The following SLIT3 variants were observed in gnomAD, a reference collection of about 807,000 sequenced individuals.
SLIT3 encodes slit homolog 3 protein.
In SLIT3, 68 loss-of-function variants were observed where a neutral mutation model predicts 184.0. The ratio of observed to expected loss-of-function variants is 0.37; its 90% CI spans 0.30 to 0.45. SLIT3 has a LOEUF of 0.45. Ranked by LOEUF, SLIT3 falls within the 20% of genes least tolerant of loss-of-function variation. SLIT3 has a pLI of 1.00. For synonymous variants in SLIT3, 831 were observed against 828.6 expected, an observed-to-expected ratio of 1.00 and a Z score of -0.05; for missense variants, 1,707 against 2,026.0, an observed-to-expected ratio of 0.84 and a Z score of 3.02.
chr5:168,884,549 GATATATATAT>G lies in SLIT3; in HGVS notation c.414-1223_414-1214del, dbSNP rs58407375. Among the ~76,000 whole-genome samples the G allele has an allele frequency of 3.1e-3, 129 of 41,146 alleles. 10 individuals are homozygous for G. The East Asian group carries it at 0.054, about 17-fold the overall frequency. 27.0% of individuals were successfully genotyped at this position (41,146 alleles called of 152,430 possible). A position where few individuals can be genotyped will look rare whatever the true frequency, so the allele number is the denominator to read the frequency against. Reference sequence around the variant, plus strand: ...ATCTAACTACTGCTACCAATTACGAGATATATATATATATATATATATATATATATATGAA... The same window carrying G: ...ATCTAACTACTGCTACCAATTACGAGATATATATATATATATATATATGAA... On this transcript the variant is annotated intron_variant, in intron 4 of 35. Coordinates refer to ENST00000519560, the MANE Select transcript of SLIT3 (RefSeq NM_003062.4).
At chr5:168,667,522 A>G (rs1761094861) in intron 35 of SLIT3, 1 of 152,176 alleles carries the variant, frequency 6.6e-6, no homozygotes, top group Admixed American at 6.5e-5. Flanking sequence ...GGGAAAGGGC[A>G]CCCCTGTATC....
intron 9 of SLIT3, among the ~76,000 whole-genome samples, chr5:168,801,582 G>A (rs1329888995): frequency 6.6e-6 from 1 of 152,204 alleles, no homozygotes; most frequent in Non-Finnish European, 1.5e-5. Context: ...CAGAGCAAAA[G>A]TGGAAGAAGA....
intron 4 of SLIT3, among the ~76,000 whole-genome samples, chr5:168,889,050 T>C (rs1474489717): frequency 6.6e-6 from 1 of 152,158 alleles, no homozygotes; most frequent in Non-Finnish European, 1.5e-5. Context: ...CTTTCTAATA[T>C]ATAGTAACCC....
intron 3 of SLIT3, among the ~76,000 whole-genome samples, chr5:169,200,705 G>T (rs1763882718): frequency 6.6e-6 from 1 of 152,318 alleles, no homozygotes; most frequent in African/African-American, 2.4e-5. Context: ...AGAGATCCTT[G>T]ATCTGGGGCT....
At chr5:168,898,028 T>C (rs567967576) in intron 4 of SLIT3, among the ~76,000 whole-genome samples, 9 of 152,286 alleles carry the variant, frequency 5.9e-5, no homozygotes, top group African/African-American at 2.2e-4. Flanking sequence ...AGAGACAAGG[T>C]TTTGGCAGAG....
intron 32 of SLIT3, among the ~76,000 whole-genome samples, chr5:168,683,596 G>A (rs984635470): frequency 3.9e-5 from 6 of 152,200 alleles, no homozygotes; most frequent in African/African-American, 1.4e-4. Flanking sequence ...CATGCTAATT[G>A]TGCCCTGTTG....
chr5:168,845,869 A>G (rs2113716868), intron 5 of SLIT3, among the ~76,000 whole-genome samples: 1 of 152,272 alleles, frequency 6.6e-6, no homozygotes, highest in East Asian at 1.9e-4. Context: ...TGGCTGTACT[A>G]AAAAACTCCT....
intron 26 of SLIT3, among the ~76,000 whole-genome samples, chr5:168,706,231 A>G (rs985460167): frequency 6.6e-6 from 1 of 152,230 alleles, no homozygotes. Flanking sequence ...AATGCCAGGT[A>G]TCATCCTAGT....
chr5:168,903,813 T>TC (rs1216354299), intron 4 of SLIT3, among the ~76,000 whole-genome samples: 1 of 106,126 alleles, frequency 9.4e-6, no homozygotes. Context: ...CGTTCACTGG[T>TC]TTGAATTATT....
intron 1 of SLIT3, among the ~76,000 whole-genome samples, chr5:169,279,425 C>T (rs1391699022): frequency 6.6e-6 from 1 of 152,080 alleles, no homozygotes; most frequent in African/African-American, 2.4e-5. Flanking sequence ...GAGGAGGAAA[C>T]CTGAGGTTCT....
intron 4 of SLIT3, among the ~76,000 whole-genome samples, chr5:168,970,109 A>C (rs1017116033): frequency 2.6e-5 from 4 of 152,182 alleles, no homozygotes; most frequent in African/African-American, 9.7e-5. Context: ...TGAACCCAGG[A>C]GGCGGAGTTT....
intron 19 of SLIT3, among the ~76,000 whole-genome samples, chr5:168,749,253 T>G (rs1754611783): frequency 6.6e-6 from 1 of 152,242 alleles, no homozygotes; most frequent in African/African-American, 2.4e-5. Flanking sequence ...GATTTCTAAC[T>G]GATGGAAGTA....
intron 1 of SLIT3, chr5:169,263,563 G>GGAT (rs1766277583): frequency 4.5e-6 from 2 of 445,890 alleles, no homozygotes; most frequent in Admixed American, 3.1e-5. Context: ...AAGTCTGAAA[G>GGAT]GATGATTGCT....
intron 4 of SLIT3, among the ~76,000 whole-genome samples, chr5:169,159,559 A>C (rs1310381369): frequency 6.6e-6 from 1 of 151,138 alleles, no homozygotes; most frequent in Non-Finnish European, 1.5e-5. Context: ...GCGGATCACA[A>C]GGTCAGCACA....
chr5:169,252,214 C>T (rs1283145417), intron 1 of SLIT3, among the ~76,000 whole-genome samples: 2 of 152,222 alleles, frequency 1.3e-5, no homozygotes, highest in Non-Finnish European at 2.9e-5. Context: ...GGCCACATCT[C>T]ATTTAACTCC....
chr5:168,697,918 G>A (rs1762107328), intron 27 of SLIT3, among the ~76,000 whole-genome samples: 1 of 152,206 alleles, frequency 6.6e-6, no homozygotes, highest in African/African-American at 2.4e-5. Context: ...AGGGCTACCT[G>A]GCAGTGAGAT....
chr5:168,682,153 T>C (rs569939923), intron 32 of SLIT3, among the ~76,000 whole-genome samples: 5 of 152,338 alleles, frequency 3.3e-5, no homozygotes, highest in African/African-American at 1.2e-4. Flanking sequence ...GAGCTCTTTC[T>C]TCTGGTGTCC....
At chr5:168,893,880 T>C (rs1164899196) in intron 4 of SLIT3, among the ~76,000 whole-genome samples, 1 of 152,148 alleles carries the variant, frequency 6.6e-6, no homozygotes, top group East Asian at 1.9e-4. Context: ...ATCCCATAGG[T>C]GAAGATCTAC....
chr5:169,043,629 A>C (rs1309859322), intron 4 of SLIT3, among the ~76,000 whole-genome samples: 3 of 152,202 alleles, frequency 2.0e-5, no homozygotes, highest in African/African-American at 4.8e-5. Context: ...GCAGGCCTTG[A>C]TGTGATTATG....
Sources: gnomAD v4.1 joint callset for allele counts (sites outside exome capture counted in the v4.1 genomes callset) on GRCh38, gnomAD v4.1.1 for gene constraint, MANE v1.5 for transcripts, NCBI Gene and HGNC (gene_info 2026-07-23, HGNC 2026-07-21) for gene names.